ITGAL: variants seen among roughly 807,000 people sequenced by gnomAD.
ITGAL encodes integrin alpha-L.
Under a neutral mutation model 138.4 loss-of-function variants are expected in ITGAL, and 68 were observed. The ratio of observed to expected loss-of-function variants is 0.49; its 90% confidence interval spans 0.40 to 0.60. ITGAL has a LOEUF of 0.60. Ranked by LOEUF, ITGAL falls within the 20% of genes least tolerant of loss-of-function variation. The pLI is 0.00. For synonymous variants in ITGAL, 561 were observed against 584.3 expected, an observed-to-expected ratio of 0.96 and a Z score of 0.57; for missense variants, 1,256 against 1,478.6, an observed-to-expected ratio of 0.85 and a Z score of 2.47.
At chr16:30,484,011 C>T in intron 8 of ITGAL, 52 bp downstream of exon 8, 2 of 1,597,302 alleles carry the variant, frequency 1.3e-6, no homozygotes, top group Non-Finnish European at 1.7e-6. Flanking sequence ...TCTTTCTGAA[C>T]CCCAAGCCCC....
intron 7 of ITGAL, among the ~76,000 whole-genome samples, chr16:30,482,752 C>A (rs2050578256): frequency 6.6e-6 from 1 of 152,094 alleles, no homozygotes; most frequent in African/African-American, 2.4e-5. Context: ...CGGTTCACAC[C>A]TTGCTGCTGT....
intron 6 of ITGAL, among the ~76,000 whole-genome samples, chr16:30,479,846 T>C (rs944717842): frequency 3.3e-5 from 5 of 151,990 alleles, no homozygotes; most frequent in Non-Finnish European, 4.4e-5. Context: ...GAGATGGTGT[T>C]TCACCATGTT....
chr16:30,481,637 C>T, intron 7 of ITGAL, 53 bp downstream of exon 7: 1 of 1,555,162 alleles, frequency 6.4e-7, no homozygotes, highest in Non-Finnish European at 8.8e-7. Context: ...TCTGGGTGAT[C>T]TACCCACTTC....
In ITGAL at chr16:30,512,892, G is replaced by C. The variant is rs202155258; in HGVS notation, c.2787-879G>C. On this transcript the variant is annotated intron_variant, in intron 24 of 30. Coordinates refer to ENST00000356798, the MANE Select transcript of ITGAL (RefSeq NM_002209.3). ...ATTTTTGTATTCTTAGTAGAGACAG[G>C]GTTTCGCCATGTTGGCCAGGCAGGT... Among the ~76,000 whole-genome samples, 3 of 152,244 alleles carry C rather than the reference G, an allele frequency of 2.0e-5. No individual in the cohort carries two copies. In the East Asian group the frequency reaches 5.8e-4, roughly 30 times the overall value.
chr16:30,505,538 C>A, intron 20 of ITGAL, 76 bp downstream of exon 20: 1 of 1,072,490 alleles, frequency 9.3e-7, no homozygotes, highest in South Asian at 1.3e-5. Flanking sequence ...CCAGATATGT[C>A]ATTTGCAGAC....
chr16:30,479,569 C>T (rs901359128), intron 6 of ITGAL, 108 bp downstream of exon 6: 27 of 1,105,506 alleles, frequency 2.4e-5, no homozygotes, highest in Non-Finnish European at 3.5e-5. Context: ...AGCCTATGGG[C>T]ATGGCTATAA....
At chr16:30,517,113 C>A in intron 26 of ITGAL, 27 bp downstream of exon 26, 19 of 1,413,774 alleles carry the variant, frequency 1.3e-5, no homozygotes, top group Non-Finnish European at 1.8e-5. Context: ...GAGGGAGGGT[C>A]TACCCTCCTC....
intron 7 of ITGAL, among the ~76,000 whole-genome samples, chr16:30,482,600 G>C (rs1291606366): frequency 6.6e-6 from 1 of 152,118 alleles, no homozygotes; most frequent in Non-Finnish European, 1.5e-5. Context: ...ATCCAGATGA[G>C]AGACAATGGT....
Position 30,494,478 on chromosome 16 carries a change from T to G in ITGAL, c.1365+115T>G. 8.3e-7 allele frequency: 1 copy of G among 1,209,590 alleles called. No homozygotes were observed. Among genetic ancestry groups the G allele is most frequent in the South Asian group, 1.6e-5 (1 of 62,906 alleles). 74.9% of individuals were successfully genotyped at this position (1,209,590 alleles called of 1,614,324 possible). ...CATGTGGCAGCCCCTGTGCTAAACA[T>G]GATCACATTTATCCCTCATAACACA... On this transcript the variant is annotated intron_variant, in intron 12 of 30. Coordinates refer to ENST00000356798, the MANE Select transcript of ITGAL (RefSeq NM_002209.3). The surrounding 1 kb of genome is among the most constrained non-coding windows in gnomAD (Gnocchi z 4.2).
rs1478882828 is a variant in ITGAL, at chr16:30,483,797, G to T, written c.723-30G>T. 4 of 1,585,306 alleles carry T rather than the reference G, an allele frequency of 2.5e-6. No homozygotes were observed. In the South Asian group the frequency reaches 3.4e-5, roughly 13 times the overall value. On this transcript the variant is annotated intron_variant, in intron 7 of 30. Coordinates refer to ENST00000356798, the MANE Select transcript of ITGAL (RefSeq NM_002209.3). ...AGACCTCAGGCCCTAGTTTGGGGGA[G>T]TCTCTCATCTCCTCCTTTCCTGGAC...
Position 30,519,871 on chromosome 16 carries a change from T to TG in ITGAL, c.3244dup (p.Asp1082GlyfsTer5). The stretch of plus-strand genomic sequence containing the variant: ...CCTGCTCCCAGGTTGTCATGAAGGT[T>TG]GACGTGGTGTATGAGAAGCAGATGC... On this transcript the variant is annotated frameshift_variant, in exon 30 of 31. Transcript: ENST00000356798. LOFTEE classifies it high-confidence loss of function. 1.9e-6 allele frequency: 3 copies of TG among 1,613,478 alleles called. No individual in the cohort carries two copies. The highest frequency in any genetic ancestry group is 2.5e-6 in the Non-Finnish European group (3 of 1,179,472).
chr16:30,517,321 G>T (rs1158105050), intron 26 of ITGAL, among the ~76,000 whole-genome samples: 1 of 152,138 alleles, frequency 6.6e-6, no homozygotes, highest in East Asian at 1.9e-4. Flanking sequence ...AGGCATGCAT[G>T]GTGGCCCGTG....
intron 11 of ITGAL, among the ~76,000 whole-genome samples, chr16:30,493,896 AAAG>A (rs2050761489): frequency 6.6e-6 from 1 of 152,090 alleles, no homozygotes; most frequent in Non-Finnish European, 1.5e-5. Flanking sequence ...TGTCTCTAAA[AAAG>A]AAGAAAGAAT....
chr16:30,513,279 A>T (rs536457253), intron 24 of ITGAL, among the ~76,000 whole-genome samples: 1 of 152,308 alleles, frequency 6.6e-6, no homozygotes, highest in Non-Finnish European at 1.5e-5. Context: ...AGGTGTGTGC[A>T]GGGGAGCAGT....
At chr16:30,498,081 T>C (rs544400437) in intron 15 of ITGAL, among the ~76,000 whole-genome samples, 1 of 151,896 alleles carries the variant, frequency 6.6e-6, no homozygotes, top group South Asian at 2.1e-4. Context: ...GGGGGCTGTA[T>C]ACATCTTCAA....
intron 17 of ITGAL, among the ~76,000 whole-genome samples, chr16:30,503,219 T>C (rs140515306): frequency 9.3e-4 from 142 of 152,262 alleles, no homozygotes; most frequent in African/African-American, 3.2e-3. Flanking sequence ...AATTATCGAC[T>C]CACCCTCTAT....
rs2050794864 is a variant in ITGAL, at chr16:30,496,121, C to G, written c.1528C>G (p.Leu510Val). The G allele has an allele frequency of 6.2e-7, 1 of 1,613,966 alleles. No individual in the cohort carries two copies. Among genetic ancestry groups the G allele is most frequent in the African/African-American group, 1.3e-5 (1 of 75,028 alleles). ...GTTGGGGTTTGAAGAAGTCTCAGAG[C>G]TGCAGGGGGACCCCGGCTACCCACT... ...RQLGFEEVSE[L>V]QGDPGYPLGR... The change falls in exon 14 of 31, where the codon CTG becomes GTG. Residue 510 changes from leucine (L) to valine (V), a missense_variant. Physicochemically the swap from Leu to Val is conservative, Grantham distance 32. Coordinates refer to ENST00000356798, the MANE Select transcript of ITGAL (RefSeq NM_002209.3).
chr16:30,485,934 A>G (rs1484374541), intron 9 of ITGAL, among the ~76,000 whole-genome samples: 1 of 152,038 alleles, frequency 6.6e-6, no homozygotes, highest in Non-Finnish European at 1.5e-5. Flanking sequence ...CCGCAGAGTG[A>G]ATGTAATTCC....
chr16:30,494,098 G>A lies in ITGAL; in HGVS notation c.1214-114G>A. 1 of 864,662 alleles carries A rather than the reference G, an allele frequency of 1.2e-6. No individual in the cohort carries two copies. The highest frequency in any genetic ancestry group is 2.4e-5 in the Admixed American group (1 of 42,326). 53.6% of individuals were successfully genotyped at this position (864,662 alleles called of 1,614,324 possible). On this transcript the variant is annotated intron_variant, in intron 11 of 30. Coordinates refer to ENST00000356798, the MANE Select transcript of ITGAL (RefSeq NM_002209.3). This position sits in a 1 kb window ranked among gnomAD's most constrained non-coding sequence, Gnocchi z 4.2. ...TTTTCTCAGGAGAAGGTCTTCAGCTGTTTCCATGCATCTCTGCTACTAACC... is the reference window on the plus strand; with the variant it reads ...TTTTCTCAGGAGAAGGTCTTCAGCTATTTCCATGCATCTCTGCTACTAACC...
Sources: allele counts gnomAD v4.1 joint callset (sites outside exome capture counted in the v4.1 genomes callset), GRCh38; gene constraint gnomAD v4.1.1; non-coding constraint Gnocchi (gnomAD v3.1); transcripts MANE v1.5; gene names NCBI Gene and HGNC (gene_info 2026-07-23, HGNC 2026-07-21).